Variants in XPO4 observed in about 807,000 individuals in gnomAD.
XPO4 encodes exportin-4.
Under a neutral mutation model 143.0 loss-of-function variants are expected in XPO4, and 39 were observed. The observed-to-expected ratio is 0.27, with a 90% confidence interval of 0.21 to 0.36. The LOEUF is 0.36. Ranked by LOEUF, XPO4 falls within the 10% of genes least tolerant of loss-of-function variation. The pLI, the probability that XPO4 is intolerant of heterozygous loss-of-function variation, is 1.00. For missense variants in XPO4, 907 were observed against 1,348.0 expected (o/e 0.67, Z 5.12); for synonymous variants, 439 against 474.0 (o/e 0.93, Z 0.96).
intron 6 of XPO4, among the ~76,000 whole-genome samples, chr13:20,834,852 T>G (rs1218764024): frequency 6.6e-6 from 1 of 152,018 alleles, no homozygotes; most frequent in Non-Finnish European, 1.5e-5. Context: ...TTCTAGCTAC[T>G]TGGGAGGCTG....
At chr13:20,863,011 A>G (rs1267682702) in intron 2 of XPO4, 153 bp from the exon 3 acceptor site, 4 of 1,432,554 alleles carry the variant, frequency 2.8e-6, no homozygotes, top group Non-Finnish European at 3.6e-6. Flanking sequence ...AGCACCACAA[A>G]GAGGTTAGTT....
At chr13:20,874,379 G>A (rs921649164) in intron 1 of XPO4, among the ~76,000 whole-genome samples, 1 of 152,188 alleles carries the variant, frequency 6.6e-6, no homozygotes, top group Non-Finnish European at 1.5e-5. Flanking sequence ...CTTTGACAGA[G>A]ACAGACGGTG....
At chr13:20,858,290 A>G (rs1395894113) in intron 3 of XPO4, among the ~76,000 whole-genome samples, 1 of 152,242 alleles carries the variant, frequency 6.6e-6, no homozygotes, top group Non-Finnish European at 1.5e-5. Flanking sequence ...GAAACTCAGA[A>G]TATGGAATCA....
chr13:20,851,486 A>G (rs1289647838), intron 4 of XPO4: 5 of 951,464 alleles, frequency 5.3e-6, no homozygotes, highest in Non-Finnish European at 6.3e-6. Flanking sequence ...AGGTGGGCAG[A>G]TTGCTTGAGC....
At chr13:20,870,772 T>C (rs1010713109) in intron 1 of XPO4, among the ~76,000 whole-genome samples, 1 of 151,968 alleles carries the variant, frequency 6.6e-6, no homozygotes, top group African/African-American at 2.4e-5. Flanking sequence ...TCTAGAAGTA[T>C]TTTTGTCTTT....
chr13:20,894,548 A>AC (rs2060549287), intron 1 of XPO4, among the ~76,000 whole-genome samples: 2 of 150,152 alleles, frequency 1.3e-5, no homozygotes, highest in African/African-American at 4.9e-5. Flanking sequence ...TTAAAAGTAG[A>AC]TTTTTTTTTT....
At chr13:20,840,249 C>T (rs1181349402) in intron 6 of XPO4, among the ~76,000 whole-genome samples, 1 of 151,880 alleles carries the variant, frequency 6.6e-6, no homozygotes, top group Non-Finnish European at 1.5e-5. Context: ...TCTTCTGTCG[C>T]CCAGGGTGAG....
intron 13 of XPO4, among the ~76,000 whole-genome samples, chr13:20,805,154 A>T (rs1179953207): frequency 6.6e-6 from 1 of 152,026 alleles, no homozygotes; most frequent in Admixed American, 6.6e-5. Flanking sequence ...AATATTGCCC[A>T]GTCTGGTCTT....
At chr13:20,848,250 A>T (rs1008853008) in intron 4 of XPO4, 13 of 982,240 alleles carry the variant, frequency 1.3e-5, no homozygotes, top group Non-Finnish European at 1.6e-5. Context: ...AATGATAAAT[A>T]AAAACATTCT....
intron 1 of XPO4, among the ~76,000 whole-genome samples, chr13:20,874,466 C>T (rs142544817): frequency 6.4e-4 from 98 of 152,284 alleles, no homozygotes; most frequent in Non-Finnish European, 1.0e-3. Flanking sequence ...GATGGGGCCA[C>T]GATTAGGTGA....
At chr13:20,868,347 T>G (rs922140523) in intron 2 of XPO4, 1 of 373,762 alleles carries the variant, frequency 2.7e-6, no homozygotes, top group South Asian at 4.9e-5. Flanking sequence ...GCCTTCATGT[T>G]ATGGTCAATA....
rs759623626 is a variant in XPO4, at chr13:20,856,955, T to C, written c.318-1190A>G. 8.7e-5 allele frequency: 81 copies of C among 934,828 alleles called. No homozygotes were observed. In the East Asian group the frequency reaches 1.2e-3, roughly 13 times the overall value. The allele number at this position is 934,828 out of a possible 1,614,324, so 57.9% of individuals were successfully genotyped here. A position where few individuals can be genotyped will look rare whatever the true frequency, so the allele number is the denominator to read the frequency against. On this transcript the variant is annotated intron_variant, in intron 3 of 22. Transcript: ENST00000255305. ...GCTCCCAGATCAGCCACCCACTCTA[T>C]GCACACTAGCATATGCAAAGCACAC... is the stretch of plus-strand genomic sequence containing the variant.
intron 1 of XPO4, among the ~76,000 whole-genome samples, chr13:20,899,294 T>G (rs1211942095): frequency 6.7e-6 from 1 of 150,248 alleles, no homozygotes; most frequent in Non-Finnish European, 1.5e-5. Context: ...TAATAAAATG[T>G]AACATTTATA....
intron 4 of XPO4, chr13:20,850,314 A>G (rs2060071126): frequency 4.2e-6 from 4 of 962,374 alleles, no homozygotes; most frequent in Non-Finnish European, 4.9e-6. Context: ...TTTATTTTAC[A>G]TATTAGTGAA....
At chr13:20,882,127 A>AG (rs1491142638) in intron 1 of XPO4, among the ~76,000 whole-genome samples, 37 of 142,178 alleles carry the variant, frequency 2.6e-4, no homozygotes, top group Non-Finnish European at 4.7e-4. Context: ...AAAAAAAAAA[A>AG]GAAAGAAAGA....
At chr13:20,785,970 A>C (rs1024483210) in intron 22 of XPO4, among the ~76,000 whole-genome samples, 36 of 108,944 alleles carry the variant, frequency 3.3e-4, no homozygotes, top group Admixed American at 6.1e-4. Context: ...AAAGAAAAGA[A>C]AAAGAGAGGA....
chr13:20,827,563 AC>A, intron 6 of XPO4, among the ~76,000 whole-genome samples: 1 of 152,352 alleles, frequency 6.6e-6, no homozygotes, highest in African/African-American at 2.4e-5. Context: ...ATATCTTGCA[AC>A]AATTAACACC....
intron 3 of XPO4, chr13:20,857,863 G>C: frequency 1.0e-6 from 1 of 985,362 alleles, no homozygotes; most frequent in African/African-American, 1.7e-5. Context: ...TTTCATAAAG[G>C]ACATTGTGCA....
rs553860146 is a variant in XPO4, at chr13:20,851,376, TACTG to T, written c.456+4247_456+4250del. The T allele has an allele frequency of 8.5e-5, 84 of 985,406 alleles. No individual in the cohort carries two copies. The African/African-American group carries it at 1.4e-3, about 17-fold the overall frequency. The allele number at this position is 985,406 out of a possible 1,614,324, so 61.0% of individuals were successfully genotyped here. ...TTAAATTCTACTTCCCACTGAAGTA[TACTG>T]ATTTCCTACTATTACAGTAGTTCTC... On this transcript the variant is annotated intron_variant, in intron 4 of 22. Coordinates refer to ENST00000255305, the MANE Select transcript of XPO4 (RefSeq NM_022459.5).
Sources: gnomAD v4.1 joint callset for allele counts (sites outside exome capture counted in the v4.1 genomes callset) on GRCh38, gnomAD v4.1.1 for gene constraint, MANE v1.5 for transcripts, NCBI Gene and HGNC (gene_info 2026-07-23, HGNC 2026-07-21) for gene names.